The following SENP7 variants were observed in gnomAD, a reference collection of about 807,000 sequenced individuals.
The protein encoded by SENP7 is SUMO specific peptidase 7.
In SENP7, 64 loss-of-function variants were observed where a neutral mutation model predicts 141.2. The ratio of observed to expected loss-of-function variants is 0.45; its 90% CI spans 0.37 to 0.56. The LOEUF (loss-of-function observed/expected upper bound fraction) is 0.56. Among genes scored for constraint, SENP7 ranks in the 20% least tolerant of loss-of-function variants. The pLI, the probability that SENP7 is intolerant of heterozygous loss-of-function variation, is 0.00. For missense variants in SENP7, 1,025 were observed against 1,212.2 expected, an observed-to-expected ratio of 0.85 and a Z score of 2.29; for synonymous variants, 382 against 426.4, an observed-to-expected ratio of 0.90 and a Z score of 1.28.
At chr3:101,472,196 C>T (rs774310884) in intron 3 of SENP7, among the ~76,000 whole-genome samples, 36 of 152,304 alleles carry the variant, frequency 2.4e-4, no homozygotes, top group African/African-American at 6.0e-4. Context: ...TAAAGACACA[C>T]GCACACATAT....
At chr3:101,349,162 A>G (rs1025168433) in intron 12 of SENP7, among the ~76,000 whole-genome samples, 1 of 152,198 alleles carries the variant, frequency 6.6e-6, no homozygotes, top group African/African-American at 2.4e-5. Flanking sequence ...AGTATTTACC[A>G]GTCATCTTAA....
At chr3:101,362,109 T>C (rs2059918383) in intron 10 of SENP7, among the ~76,000 whole-genome samples, 1 of 152,200 alleles carries the variant, frequency 6.6e-6, no homozygotes, top group Non-Finnish European at 1.5e-5. Flanking sequence ...TCCAGAAATA[T>C]ATACTCCTCT....
rs73157882 is a variant in SENP7 at position 101,354,063 on chromosome 3, T to C, written c.1624-2412A>G. Among the ~76,000 whole-genome samples the C allele has an allele frequency of 6.6e-3, 1,000 of 152,148 alleles. 3 individuals are homozygous for C. The highest frequency in any genetic ancestry group is 0.017 in the Middle Eastern group (5 of 294). ...GAAATTTTTACCCTTTTCCCTTTTTTAGGTTATTCATTATACTTAAAATTT... is the reference window on the plus strand; with the variant it reads ...GAAATTTTTACCCTTTTCCCTTTTTCAGGTTATTCATTATACTTAAAATTT... On this transcript the variant is annotated intron_variant, in intron 11 of 23. Transcript: ENST00000394095.
chr3:101,348,096 A>G (rs1309244374), intron 12 of SENP7, 45 bp from the exon 13 acceptor site: 2 of 1,321,800 alleles, frequency 1.5e-6, no homozygotes, highest in Non-Finnish European at 2.1e-6. Context: ...AATCCATTTA[A>G]GAATACACCA....
intron 11 of SENP7, among the ~76,000 whole-genome samples, chr3:101,361,468 T>C (rs1287766115): frequency 6.6e-6 from 1 of 152,132 alleles, no homozygotes; most frequent in Non-Finnish European, 1.5e-5. Flanking sequence ...AACCCAAAGA[T>C]TATCAATACA....
intron 4 of SENP7, among the ~76,000 whole-genome samples, chr3:101,454,919 G>A (rs1231777974): frequency 6.6e-6 from 1 of 152,134 alleles, no homozygotes; most frequent in Non-Finnish European, 1.5e-5. Flanking sequence ...CCAGACTGTA[G>A]TGATGGCTCA....
At chr3:101,375,612 C>G (rs958967088) in intron 6 of SENP7, among the ~76,000 whole-genome samples, 1 of 150,664 alleles carries the variant, frequency 6.6e-6, no homozygotes, top group African/African-American at 2.4e-5. Context: ...AATCCCACTC[C>G]TAGGTATATA....
intron 5 of SENP7, among the ~76,000 whole-genome samples, chr3:101,409,006 C>T (rs969402571): frequency 4.6e-5 from 7 of 152,088 alleles, no homozygotes; most frequent in Admixed American, 3.9e-4. Context: ...TATTTGCTGA[C>T]GCTATGATCA....
intron 15 of SENP7, among the ~76,000 whole-genome samples, chr3:101,341,173 T>C (rs1162947087): frequency 6.6e-6 from 1 of 152,198 alleles, no homozygotes; most frequent in Non-Finnish European, 1.5e-5. Flanking sequence ...GAAATCACCA[T>C]TAAATGCACA....
At chr3:101,513,212 G>GAAAAAA (rs1254138448), upstream of SENP7, 303 of 135,940 alleles carry the variant, frequency 2.2e-3, 77 homozygotes, top group East Asian at 8.2e-3. Context: ...GGAGGGGAAA[G>GAAAAAA]GAAAAAAAAA....
intron 3 of SENP7, among the ~76,000 whole-genome samples, chr3:101,492,057 A>G (rs1202588300): frequency 1.3e-5 from 2 of 151,778 alleles, no homozygotes; most frequent in Non-Finnish European, 2.9e-5. Context: ...GCGACATTGC[A>G]CTCCAGCCTG....
intron 1 of SENP7, among the ~76,000 whole-genome samples, chr3:101,507,637 A>C (rs1041221733): frequency 2.0e-5 from 3 of 149,052 alleles, no homozygotes; most frequent in Admixed American, 6.9e-5. Flanking sequence ...AGAGATGAAC[A>C]ATCTCCATTG....
intron 1 of SENP7, among the ~76,000 whole-genome samples, chr3:101,506,483 T>A (rs2065615018): frequency 6.6e-6 from 1 of 152,232 alleles, no homozygotes; most frequent in Non-Finnish European, 1.5e-5. Flanking sequence ...TGCCCAACGT[T>A]ACCATAGTGA....
In SENP7 at chr3:101,426,884, A is replaced by G. The variant is rs2061978952; in HGVS notation, c.285-9094T>C. On this transcript the variant is annotated intron_variant, in intron 4 of 23. Coordinates refer to ENST00000394095, the MANE Select transcript of SENP7 (RefSeq NM_020654.5). ...GAAGCACTAAATATGGAAAGGAAACAATGTTACCAGCCACTACAGAAACAC... is the reference window on the plus strand; with the variant it reads ...GAAGCACTAAATATGGAAAGGAAACGATGTTACCAGCCACTACAGAAACAC... Among the ~76,000 whole-genome samples, 3 of 152,140 alleles carry G rather than the reference A, an allele frequency of 2.0e-5. No homozygotes were observed. The South Asian group carries it at 6.2e-4, about 31-fold the overall frequency.
At chr3:101,375,022 T>C (rs551861077) in intron 6 of SENP7, among the ~76,000 whole-genome samples, 4 of 152,126 alleles carry the variant, frequency 2.6e-5, no homozygotes, top group Non-Finnish European at 4.4e-5. Context: ...TCAACGTCAC[T>C]AATCACTAAG....
intron 4 of SENP7, among the ~76,000 whole-genome samples, chr3:101,429,132 C>T (rs1161646194): frequency 5.9e-5 from 9 of 152,134 alleles, no homozygotes; most frequent in Non-Finnish European, 1.2e-4. Flanking sequence ...CATGATGCCT[C>T]CAGCTTTGTT....
intron 4 of SENP7, among the ~76,000 whole-genome samples, chr3:101,455,231 G>A (rs909331497): frequency 6.6e-6 from 1 of 152,080 alleles, no homozygotes; most frequent in East Asian, 1.9e-4. Flanking sequence ...AAAAATTTAA[G>A]TCTGTTAATA....
intron 5 of SENP7, chr3:101,414,342 C>T (rs780915780): frequency 3.3e-5 from 26 of 780,116 alleles, no homozygotes; most frequent in Non-Finnish European, 5.8e-5. Context: ...GCTGTGAGGA[C>T]AGCCAGGCCT....
intron 6 of SENP7, among the ~76,000 whole-genome samples, chr3:101,383,301 C>A (rs560903051): frequency 6.6e-6 from 1 of 152,324 alleles, no homozygotes; most frequent in Non-Finnish European, 1.5e-5. Context: ...ATGGCAGCAG[C>A]AGCAGCCCAT....
Sources: allele counts gnomAD v4.1 joint callset (sites outside exome capture counted in the v4.1 genomes callset), GRCh38; gene constraint gnomAD v4.1.1; transcripts MANE v1.5; gene names NCBI Gene and HGNC (gene_info 2026-07-23, HGNC 2026-07-21).